RAB38: variants seen among roughly 807,000 people sequenced by gnomAD.
The protein encoded by RAB38 is ras-related protein Rab-38.
A neutral mutation model predicts 18.4 loss-of-function variants in RAB38; 15 were observed. That is an observed-to-expected ratio of 0.82 (90% CI 0.55 to 1.26). RAB38 has a LOEUF of 1.26. Ranked by LOEUF, RAB38 falls within the 50% of genes most tolerant of loss-of-function variation. The pLI, the probability that RAB38 is intolerant of heterozygous loss-of-function variation, is 0.00. For missense variants in RAB38, 294 were observed against 267.4 expected, an observed-to-expected ratio of 1.10 and a Z score of -0.69; for synonymous variants, 101 against 104.4, an observed-to-expected ratio of 0.97 and a Z score of 0.20.
At position 88,175,328 on chromosome 11, in the gene RAB38, G is replaced by A. The variant is rs1201127282; in HGVS notation, c.57C>T (p.Gly19=). ...GCTTGATGATACTGGTCTTCCCCAC[G>A]CCCAGGTCGCCAATCACCAGCAACT... The part of the protein sequence containing the change: ...LYKLLVIGDL[G]VGKTSIIKRY... Residue 19 remains glycine, a synonymous_variant, in exon 1 of 3, where the codon GGC becomes GGT. Transcript: ENST00000243662. 6.2e-7 allele frequency: 1 copy of A among 1,614,190 alleles called. No individual in the cohort carries two copies. Among genetic ancestry groups the A allele is most frequent in the Non-Finnish European group, 8.5e-7 (1 of 1,180,022 alleles).
chr11:88,026,360 G>T, the RAB38 span, among the ~76,000 whole-genome samples: 1 of 151,028 alleles, frequency 6.6e-6, no homozygotes, highest in Non-Finnish European at 1.5e-5. Flanking sequence ...TCAGGAGATC[G>T]AGACCATCCT....
the RAB38 span, among the ~76,000 whole-genome samples, chr11:87,858,756 G>C: frequency 6.6e-6 from 1 of 151,990 alleles, no homozygotes; most frequent in African/African-American, 2.4e-5. Flanking sequence ...ATAGGAAGAA[G>C]GGATGTTGTT....
At chr11:87,888,271 A>T in the RAB38 span, among the ~76,000 whole-genome samples, 2 of 151,968 alleles carry the variant, frequency 1.3e-5, no homozygotes, top group Non-Finnish European at 2.9e-5. Flanking sequence ...GGCTAATAGC[A>T]GTTGTAAAAT....
At chr11:88,041,438 T>C in the RAB38 span, among the ~76,000 whole-genome samples, 1 of 152,230 alleles carries the variant, frequency 6.6e-6, no homozygotes. Flanking sequence ...ATACACATTA[T>C]ATCAATTACA....
At chr11:88,135,231 C>A (rs1308033766) in intron 2 of RAB38, among the ~76,000 whole-genome samples, 1 of 152,206 alleles carries the variant, frequency 6.6e-6, no homozygotes, top group Non-Finnish European at 1.5e-5. Context: ...CCCCTGCTTT[C>A]ATGTTCTGCT....
At chr11:88,031,323 C>G in the RAB38 span, among the ~76,000 whole-genome samples, 3 of 148,720 alleles carry the variant, frequency 2.0e-5, no homozygotes, top group Admixed American at 6.7e-5. Context: ...TGGCACAAGA[C>G]AGGGATGTCC....
At chr11:88,096,476 A>C in the RAB38 span, among the ~76,000 whole-genome samples, 1 of 152,044 alleles carries the variant, frequency 6.6e-6, no homozygotes, top group African/African-American at 2.4e-5. Context: ...CTTTCTCTGC[A>C]AAACTCATTA....
At chr11:87,863,971 A>G in the RAB38 span, among the ~76,000 whole-genome samples, 1 of 151,674 alleles carries the variant, frequency 6.6e-6, no homozygotes, top group Non-Finnish European at 1.5e-5. Flanking sequence ...CCCCTCTACT[A>G]CCAAGGCTGA....
At chr11:87,832,559 C>G in the RAB38 span, among the ~76,000 whole-genome samples, 1 of 152,138 alleles carries the variant, frequency 6.6e-6, no homozygotes, top group Non-Finnish European at 1.5e-5. Context: ...TATTCGCTGT[C>G]CACTGGGGGC....
the RAB38 span, among the ~76,000 whole-genome samples, chr11:88,033,143 C>T: frequency 3.3e-5 from 5 of 151,798 alleles, no homozygotes; most frequent in Non-Finnish European, 7.4e-5. Flanking sequence ...AACCAAACAC[C>T]GCATATTCTC....
the RAB38 span, among the ~76,000 whole-genome samples, chr11:87,866,901 G>C: frequency 6.6e-6 from 1 of 151,746 alleles, no homozygotes; most frequent in Non-Finnish European, 1.5e-5. Context: ...CAAGTTGGAG[G>C]CTATGTTTTA....
intron 1 of RAB38, among the ~76,000 whole-genome samples, chr11:88,153,248 G>T (rs1943085113): frequency 6.6e-6 from 1 of 152,150 alleles, no homozygotes; most frequent in Non-Finnish European, 1.5e-5. Context: ...AAGGCCCCTT[G>T]CTCATGCCTT....
the RAB38 span, among the ~76,000 whole-genome samples, chr11:88,007,906 C>T: frequency 1.3e-5 from 2 of 151,952 alleles, no homozygotes; most frequent in African/African-American, 2.4e-5. Flanking sequence ...CTCAGCAATA[C>T]AAAGGAATGA....
chr11:88,058,763 T>C, the RAB38 span, among the ~76,000 whole-genome samples: 1 of 152,224 alleles, frequency 6.6e-6, no homozygotes, highest in Non-Finnish European at 1.5e-5. Context: ...CCCAGAGAAA[T>C]GATTCTCTGG....
chr11:87,948,617 T>A, the RAB38 span, among the ~76,000 whole-genome samples: 1 of 152,040 alleles, frequency 6.6e-6, no homozygotes, highest in Admixed American at 6.6e-5. Flanking sequence ...GGTTCTTGAA[T>A]TTTGTGAAAG....
the RAB38 span, among the ~76,000 whole-genome samples, chr11:88,088,005 C>T: frequency 6.6e-6 from 1 of 151,902 alleles, no homozygotes; most frequent in Admixed American, 6.6e-5. Flanking sequence ...GTAACAGCTT[C>T]TTGTCAATTT....
the RAB38 span, among the ~76,000 whole-genome samples, chr11:87,938,619 G>GT: frequency 0.18 from 17,528 of 99,876 alleles, 1,678 homozygotes; most frequent in Admixed American, 0.2. Context: ...GCTCTTTTCC[G>GT]TTTTTTTTTT....
At chr11:88,083,941 A>T in the RAB38 span, among the ~76,000 whole-genome samples, 4 of 151,982 alleles carry the variant, frequency 2.6e-5, no homozygotes, top group Non-Finnish European at 5.9e-5. Context: ...AAATGAACTA[A>T]GACAGAAGGA....
At chr11:88,115,688 G>A (rs1942541493) in intron 2 of RAB38, 1 of 152,114 alleles carries the variant, frequency 6.6e-6, no homozygotes, top group Non-Finnish European at 1.5e-5. Flanking sequence ...TACCAGACCA[G>A]TCTTCCTTTC....
Sources: gnomAD v4.1 joint callset for allele counts (sites outside exome capture counted in the v4.1 genomes callset) on GRCh38, gnomAD v4.1.1 for gene constraint, MANE v1.5 for transcripts, NCBI Gene and HGNC (gene_info 2026-07-23, HGNC 2026-07-21) for gene names.